The following TNN variants were observed in gnomAD, a reference collection of about 807,000 sequenced individuals.
TNN encodes the protein tenascin-N.
In TNN, 122 loss-of-function variants were observed where a neutral mutation model predicts 134.4. That is an observed-to-expected ratio of 0.91 (90% CI 0.78 to 1.06). The LOEUF is 1.06. TNN is among the 50% of genes least tolerant of loss of function. The pLI is 0.00. For missense variants in TNN, 1,739 were observed against 1,699.4 expected (o/e 1.02, Z -0.41); for synonymous variants, 710 against 670.3 (o/e 1.06, Z -0.91).
At chr1:175,133,342 T>C (rs1229653914) in intron 15 of TNN, among the ~76,000 whole-genome samples, 1 of 152,238 alleles carries the variant, frequency 6.6e-6, no homozygotes, top group Admixed American at 6.5e-5. Flanking sequence ...ATTTTCTTGC[T>C]TCTCACTCAT....
chr1:175,122,407 C>A (rs972867738), intron 11 of TNN, among the ~76,000 whole-genome samples: 3 of 127,244 alleles, frequency 2.4e-5, no homozygotes, highest in Non-Finnish European at 5.2e-5. Flanking sequence ...AAACAAAACA[C>A]AACAAATAAC....
At chr1:175,115,476 G>A (rs556420379) in intron 9 of TNN, among the ~76,000 whole-genome samples, 1 of 152,302 alleles carries the variant, frequency 6.6e-6, no homozygotes, top group African/African-American at 2.4e-5. Flanking sequence ...GAGTGGGTAG[G>A]GGAGGGGGAT....
At chr1:175,104,369 G>A (rs1246880091) in intron 9 of TNN, among the ~76,000 whole-genome samples, 3 of 145,938 alleles carry the variant, frequency 2.1e-5, no homozygotes, top group African/African-American at 7.4e-5. Flanking sequence ...CTGGTTGGGG[G>A]CTTCTAACCC....
At chr1:175,123,287 G>A in intron 11 of TNN, 113 bp from the exon 12 acceptor site, 4 of 1,280,080 alleles carry the variant, frequency 3.1e-6, no homozygotes, top group Non-Finnish European at 4.4e-6. Flanking sequence ...GTTTTAAGTG[G>A]AATTCTACCA....
intron 9 of TNN, among the ~76,000 whole-genome samples, chr1:175,110,148 T>C (rs563956615): frequency 2.0e-5 from 3 of 152,242 alleles, no homozygotes; most frequent in Non-Finnish European, 2.9e-5. Context: ...TGGTCATTTG[T>C]ATGTCTTCTT....
At position 175,111,233 on chromosome 1, in the gene TNN, G is replaced by A. The variant is rs151038693; in HGVS notation, c.2120-5706G>A. ...CTTGGGAGGCTGAGGCAGGAGAATC[G>A]CTTGAACCTGGGAGGCAGAGGTTGC... On this transcript the variant is annotated intron_variant, in intron 9 of 18. Coordinates refer to ENST00000239462, the MANE Select transcript of TNN (RefSeq NM_022093.2). Among the ~76,000 whole-genome samples, 72 of 151,856 alleles carry A rather than the reference G, an allele frequency of 4.7e-4. 1 individual carries two copies. The East Asian group carries it at 0.013, about 27-fold the overall frequency.
In TNN at chr1:175,094,239, C is replaced by A; in HGVS notation, c.1574C>A (p.Thr525Asn). The change falls in exon 7 of 19, where the codon ACC becomes AAC. Residue 525 changes from threonine to asparagine, a missense_variant. Coordinates refer to ENST00000239462, the MANE Select transcript of TNN (RefSeq NM_022093.2). Reference protein sequence around the residue: ...RGNQGSKKADTNALTEIDSPA... With the variant: ...RGNQGSKKADNNALTEIDSPA... ...AACCAGGGGAGCAAGAAAGCTGACACCAATGCCCTCACAGGTAACAGAAGG... is the reference window on the plus strand; with the variant it reads ...AACCAGGGGAGCAAGAAAGCTGACAACAATGCCCTCACAGGTAACAGAAGG... 7 of 1,602,592 alleles carry A rather than the reference C, an allele frequency of 4.4e-6. No individual in the cohort carries two copies. The highest frequency in any genetic ancestry group is 6.0e-6 in the Non-Finnish European group (7 of 1,172,436).
intron 1 of TNN, among the ~76,000 whole-genome samples, chr1:175,073,250 A>G (rs1178794346): frequency 3.3e-5 from 5 of 152,142 alleles, no homozygotes; most frequent in Non-Finnish European, 7.4e-5. Context: ...CAATTGCATA[A>G]TCAGTTGCTC....
intron 2 of TNN, 88 bp downstream of exon 2, chr1:175,077,915 G>T (rs1674089804): frequency 7.5e-7 from 1 of 1,326,366 alleles, no homozygotes; most frequent in Non-Finnish European, 1.0e-6. Flanking sequence ...TGAGCACTTT[G>T]TGACTCTGGT....
intron 1 of TNN, among the ~76,000 whole-genome samples, chr1:175,068,945 A>G (rs1166409537): frequency 6.6e-6 from 1 of 152,148 alleles, no homozygotes; most frequent in Non-Finnish European, 1.5e-5. Flanking sequence ...AAACAAAAAA[A>G]ACTAGTTTTT....
chr1:175,067,957 G>T, intron 1 of TNN, 22 bp downstream of exon 1: 1 of 466,170 alleles, frequency 2.1e-6, no homozygotes, highest in Non-Finnish European at 4.3e-6. Context: ...AGTTGCCCAA[G>T]CTTTACTTAC....
intron 7 of TNN, 111 bp downstream of exon 7, chr1:175,094,364 G>A (rs2149431823): frequency 8.5e-7 from 1 of 1,175,720 alleles, no homozygotes; most frequent in South Asian, 2.7e-5. Context: ...TTGCAGGAGT[G>A]GGGAGGAGGT....
intron 7 of TNN, among the ~76,000 whole-genome samples, chr1:175,096,390 T>C (rs1430311897): frequency 6.6e-6 from 1 of 152,202 alleles, no homozygotes; most frequent in Non-Finnish European, 1.5e-5. Flanking sequence ...CTAAATCATT[T>C]GTCCTCATGT....
rs561874848 is a variant in TNN, at chr1:175,085,405, G to A, written c.1235G>A (p.Gly412Asp). The stretch of plus-strand genomic sequence containing the variant: ...TCCTGCGCTGCCTGCTTGTTTCCAG[G>A]TCTGCACCCGGGGACTGAGTATAAG... ...SDPKSRYDIT[G>D]LHPGTEYKIT... Residue 412 changes from glycine (G) to aspartate (D), a missense_variant and splice_region_variant, in exon 6 of 19, where the codon GGT becomes GAT. Transcript: ENST00000239462. 1.3e-5 allele frequency: 21 copies of A among 1,607,602 alleles called. No homozygotes were observed. The South Asian group carries it at 1.8e-4, about 14-fold the overall frequency.
chr1:175,118,689 A>G lies in TNN; in HGVS notation c.2515A>G (p.Arg839Gly), dbSNP rs1675257431. Residue 839 changes from arginine (R) to glycine (G), a missense_variant, in exon 11 of 19, where the codon AGG becomes GGG. Physicochemically the swap from Arg to Gly is moderately radical, Grantham distance 125. Transcript: ENST00000239462. ...CTACACGTCTGCCAACGGAGAGACC[A>G]GGGAGGTTCCAGTGGGGAAGGAGCA... Reference protein sequence around the residue: ...VHYTSANGETREVPVGKEQSS... With the variant: ...VHYTSANGETGEVPVGKEQSS... The G allele has an allele frequency of 1.2e-6, 2 of 1,614,138 alleles. No homozygotes were observed. The highest frequency in any genetic ancestry group is 1.7e-5 in the Admixed American group (1 of 60,010).
At chr1:175,103,293 A>T (rs1028782115) in intron 9 of TNN, among the ~76,000 whole-genome samples, 3 of 145,828 alleles carry the variant, frequency 2.1e-5, no homozygotes, top group Non-Finnish European at 4.6e-5. Context: ...GCAGCATCTC[A>T]TACTATCCCC....
chr1:175,118,791 G>A lies in TNN; in HGVS notation c.2617G>A (p.Glu873Lys), dbSNP rs1316204648. Residue 873 changes from glutamate (E) to lysine (K), a missense_variant, in exon 11 of 19, where the codon GAG (glutamate) becomes AAG (lysine). By Grantham distance (56) the Glu-to-Lys change is moderately conservative. Transcript: ENST00000239462. ...CGTGTGGGCCCAGAAGGGGAACCAG[G>A]AGAGCAAGAAGGCTGACACCAAGGC... ...VHVWAQKGNQ[E>K]SKKADTKAQT... is the part of the protein sequence containing the mutation. The A allele has an allele frequency of 2.5e-6, 4 of 1,614,218 alleles. No individual in the cohort carries two copies. Among genetic ancestry groups the A allele is most frequent in the South Asian group, 1.1e-5 (1 of 91,084 alleles).
chr1:175,114,022 A>G (rs1675103361), intron 9 of TNN, among the ~76,000 whole-genome samples: 1 of 152,212 alleles, frequency 6.6e-6, no homozygotes, highest in East Asian at 1.9e-4. Context: ...TAAGATCATT[A>G]TTTTGAATTC....
intron 17 of TNN, among the ~76,000 whole-genome samples, chr1:175,138,215 T>A (rs150199182): frequency 6.6e-6 from 1 of 152,232 alleles, no homozygotes; most frequent in Non-Finnish European, 1.5e-5. Context: ...CAACTATGAA[T>A]GCAAACCTTC....
Sources: allele counts gnomAD v4.1 joint callset (sites outside exome capture counted in the v4.1 genomes callset), GRCh38; gene constraint gnomAD v4.1.1; transcripts MANE v1.5; gene names NCBI Gene and HGNC (gene_info 2026-07-23, HGNC 2026-07-21).